USH2A: variants seen among roughly 807,000 people sequenced by gnomAD.
The protein encoded by USH2A is usherin, also known as Usher syndrome 2A (autosomal recessive, mild).
In USH2A, 443 loss-of-function variants were observed where a neutral mutation model predicts 538.9. The ratio of observed to expected loss-of-function variants is 0.82; its 90% CI spans 0.76 to 0.89. USH2A has a LOEUF of 0.89. USH2A is among the 40% of genes least tolerant of loss of function. The probability of loss-of-function intolerance (pLI) is 0.00; values close to 1 mark genes in which losing one functional copy is unlikely to be tolerated. For missense variants in USH2A, 6,633 were observed against 6,324.8 expected, an observed-to-expected ratio of 1.05 and a Z score of -1.65; for synonymous variants, 2,413 against 2,273.5, an observed-to-expected ratio of 1.06 and a Z score of -1.75.
chr1:215,930,948 A>G (rs1666348576), intron 38 of USH2A, among the ~76,000 whole-genome samples: 1 of 151,938 alleles, frequency 6.6e-6, no homozygotes, highest in African/African-American at 2.4e-5. Flanking sequence ...TATATCCTTT[A>G]TTTCCAAGAA....
rs752569816 is a variant in USH2A, at chr1:216,196,668, T to C, written c.4136A>G (p.Asn1379Ser). The change falls in exon 19 of 72, where the codon AAT becomes AGT. Residue 1379 changes from asparagine to serine, a missense_variant. Physicochemically the swap from Asn to Ser is conservative, Grantham distance 46. Transcript: ENST00000307340. ...SVFPLSSYSLNISWEKPADNV... is the reference protein window; with the variant it reads ...SVFPLSSYSLSISWEKPADNV... ...ATCTGCTGGCTTCTCCCAGGAGATA[T>C]TGAGAGAGTACGAAGAGAGGGGAAA... 5.6e-6 allele frequency: 9 copies of C among 1,613,456 alleles called. No homozygotes were observed. Among genetic ancestry groups the C allele is most frequent in the Non-Finnish European group, 7.6e-6 (9 of 1,179,672 alleles).
rs200067924 is a variant in USH2A, at chr1:216,190,204, T to A, written c.4396+19A>T. ...CTTGATAGGCAACAGATTTTTCATA[T>A]CCATTAAAACTTGCTTACCTGCTGC... On this transcript the variant is annotated intron_variant, in intron 20 of 71. Transcript: ENST00000307340. 5 of 1,611,748 alleles carry A rather than the reference T, an allele frequency of 3.1e-6. No homozygotes were observed. The Admixed American group carries it at 5.0e-5, about 16-fold the overall frequency.
chr1:216,318,861 T>G (rs1018468761), intron 9 of USH2A, among the ~76,000 whole-genome samples: 1 of 152,168 alleles, frequency 6.6e-6, no homozygotes, highest in East Asian at 1.9e-4. Context: ...AAACCAATCA[T>G]GAGCCTTCAT....
rs1251301032 is a variant in USH2A at position 215,623,784 on chromosome 1, T to G, written c.*1997A>C. On this transcript the variant is annotated 3_prime_UTR_variant, in exon 72 of 72. Transcript: ENST00000307340. The stretch of plus-strand genomic sequence containing the variant: ...CGTTGTTAAAATTTTATACTGTGCT[T>G]GGAAAAATACACAGTGATAAAGATA... 2 of 152,180 alleles carry G rather than the reference T, an allele frequency of 1.3e-5. No homozygotes were observed. The highest frequency in any genetic ancestry group is 6.6e-5 in the Admixed American group (1 of 15,264). The allele number at this position is 152,180 out of a possible 1,614,324, so 9.4% of individuals were successfully genotyped here.
At position 216,078,148 on chromosome 1, in the gene USH2A, T is replaced by TA. The variant is rs2031815415; in HGVS notation, c.5512dup (p.Tyr1838LeufsTer30). 1 of 1,613,696 alleles carries TA rather than the reference T, an allele frequency of 6.2e-7. No individual in the cohort carries two copies. Among genetic ancestry groups the TA allele is most frequent in the Non-Finnish European group, 8.5e-7 (1 of 1,179,754 alleles). ...CAGTTCCTGTGGGATTCCTCCCACA[T>TA]AAACTGGTGAATTCACCACCAGTGG... On this transcript the variant is annotated frameshift_variant, in exon 27 of 72. Transcript: ENST00000307340. LOFTEE classifies it high-confidence loss of function.
At chr1:215,886,699 C>A (rs1250178683) in intron 41 of USH2A, 1 of 152,090 alleles carries the variant, frequency 6.6e-6, no homozygotes, top group East Asian at 1.9e-4. Context: ...CTCTAGCAGG[C>A]TGACAAGCCA....
In USH2A at chr1:215,634,546, C is replaced by A; in HGVS notation, c.15210G>T (p.Glu5070Asp). ...SLILQRKIHKEPYIRERPPLV... is the reference protein window; with the variant it reads ...SLILQRKIHKDPYIRERPPLV... ...AGGGAGGTCTTTCTCTGATATATGG[C>A]TCTTTGTGGATTTTTCTTTGTAGTA... Residue 5070 changes from glutamate to aspartate, a missense_variant, in exon 70 of 72, where the codon GAG becomes GAT. Transcript: ENST00000307340. 1 of 1,614,210 alleles carries A rather than the reference C, an allele frequency of 6.2e-7. No individual in the cohort carries two copies. Among genetic ancestry groups the A allele is most frequent in the Non-Finnish European group, 8.5e-7 (1 of 1,180,040 alleles).
intron 21 of USH2A, among the ~76,000 whole-genome samples, chr1:216,116,994 A>AT (rs2033023341): frequency 1.3e-5 from 2 of 152,112 alleles, no homozygotes. Flanking sequence ...AGGGAAGCTG[A>AT]TTTAGCATAA....
At chr1:216,250,394 T>C (rs1373556673) in intron 12 of USH2A, among the ~76,000 whole-genome samples, 1 of 152,144 alleles carries the variant, frequency 6.6e-6, no homozygotes, top group East Asian at 1.9e-4. Flanking sequence ...ATCTGTAGAA[T>C]TATGTTGACT....
At chr1:215,743,503 G>A (rs1660376858) in intron 58 of USH2A, among the ~76,000 whole-genome samples, 168 bp from the exon 59 acceptor site, 1 of 148,774 alleles carries the variant, frequency 6.7e-6, no homozygotes, top group Middle Eastern at 3.2e-3. Flanking sequence ...GGCAACAAAT[G>A]TTTGTCTTTT....
In USH2A at chr1:216,289,374, C is replaced by A; in HGVS notation, c.1877G>T (p.Arg626Leu). The A allele has an allele frequency of 6.2e-7, 1 of 1,613,934 alleles. No individual in the cohort carries two copies. Among genetic ancestry groups the A allele is most frequent in the Non-Finnish European group, 8.5e-7 (1 of 1,179,854 alleles). Residue 626 changes from arginine to leucine, a missense_variant, in exon 11 of 72, where the codon CGA (arginine) becomes CTA (leucine). Coordinates refer to ENST00000307340, the MANE Select transcript of USH2A (RefSeq NM_206933.4). The stretch of plus-strand genomic sequence containing the variant: ...GGCCGAAGGATCTGCACCAACTTGT[C>A]GGAAAAAGTAATCCTTGCACAGCTC... ...NCELCKDYFF[R>L]QVGADPSAID...
chr1:215,782,810 G>A lies in USH2A; in HGVS notation c.10513C>T (p.Pro3505Ser). 1 of 1,613,936 alleles carries A rather than the reference G, an allele frequency of 6.2e-7. No individual in the cohort carries two copies. Among genetic ancestry groups the A allele is most frequent in the South Asian group, 1.1e-5 (1 of 91,074 alleles). The part of the protein sequence containing the change: ...KEDVPQGVSP[P>S]TWTKIDNLED... The stretch of plus-strand genomic sequence containing the variant: ...AGATTGTCTATTTTGGTCCACGTAG[G>A]GGGACTCACTCCTTGAGGCACATCT... Residue 3505 changes from proline (P) to serine (S), a missense_variant, in exon 53 of 72, where the codon CCT becomes TCT. Pro to Ser is a moderately conservative substitution (Grantham distance 74). Coordinates refer to ENST00000307340, the MANE Select transcript of USH2A (RefSeq NM_206933.4).
chr1:215,648,387 G>A, intron 66 of USH2A, 141 bp downstream of exon 66: 4 of 848,838 alleles, frequency 4.7e-6, no homozygotes, highest in Non-Finnish European at 4.0e-6. Flanking sequence ...ATAGATATCT[G>A]TTCAATAAGC....
chr1:216,266,815 G>A (rs903745335), intron 11 of USH2A, among the ~76,000 whole-genome samples: 3 of 151,856 alleles, frequency 2.0e-5, no homozygotes, highest in African/African-American at 7.3e-5. Context: ...ACAAGCAAAG[G>A]AATTATTGAA....
chr1:215,805,687 C>G (rs949046831), intron 49 of USH2A, among the ~76,000 whole-genome samples: 1 of 152,018 alleles, frequency 6.6e-6, no homozygotes, highest in African/African-American at 2.4e-5. Context: ...TTCCAGAATA[C>G]TCTAAAGATC....
intron 37 of USH2A, among the ~76,000 whole-genome samples, chr1:215,942,880 T>C (rs1049739118): frequency 6.6e-6 from 1 of 151,814 alleles, no homozygotes; most frequent in Non-Finnish European, 1.5e-5. Flanking sequence ...CTGTGCTGAG[T>C]TGGGGGAAAA....
chr1:215,788,355 T>C (rs1445691001), intron 51 of USH2A, among the ~76,000 whole-genome samples: 1 of 152,150 alleles, frequency 6.6e-6, no homozygotes, highest in Non-Finnish European at 1.5e-5. Context: ...ATGTACTCTA[T>C]ATCCAGGTAG....
At chr1:216,045,852 A>T (rs749200306) in intron 32 of USH2A, among the ~76,000 whole-genome samples, 9 of 152,180 alleles carry the variant, frequency 5.9e-5, no homozygotes, top group Admixed American at 5.2e-4. Context: ...GAGGGAGGTA[A>T]CATGAGCACT....
intron 47 of USH2A, among the ~76,000 whole-genome samples, chr1:215,823,757 A>G (rs1302836745): frequency 6.7e-6 from 1 of 149,978 alleles, no homozygotes; most frequent in East Asian, 2.0e-4. Context: ...ACCTCTCTGT[A>G]TTTTCAAATA....
Sources: gnomAD v4.1 joint callset for allele counts (sites outside exome capture counted in the v4.1 genomes callset) on GRCh38, gnomAD v4.1.1 for gene constraint, MANE v1.5 for transcripts, NCBI Gene and HGNC (gene_info 2026-07-23, HGNC 2026-07-21) for gene names.